Variants in ATXN8OS observed in about 807,000 individuals in gnomAD.
ATXN8OS encodes the protein ATXN8 opposite strand (non-protein coding).
At chr13:70,142,800 C>T (rs528904201) in intron 3 of ATXN8OS, among the ~76,000 whole-genome samples, 2 of 152,140 alleles carry the variant, frequency 1.3e-5, no homozygotes, top group South Asian at 4.1e-4. Context: ...TGCGGCCGGC[C>T]GCAGGGCTCA....
At chr13:70,142,994 A>G (rs1471964056) in intron 3 of ATXN8OS, among the ~76,000 whole-genome samples, 1 of 151,634 alleles carries the variant, frequency 6.6e-6, no homozygotes, top group Non-Finnish European at 1.5e-5. Context: ...AATCCCTTGA[A>G]CCCGGGAGGC....
In ATXN8OS at chr13:70,156,990, T is replaced by C. The variant is rs551788241; in HGVS notation, n.573+9562T>C. ...GTAAATGAAAAAGTCTCAAAACACA[T>C]TTTAAAATTAGGAAATAACATACCG... On this transcript the variant is annotated intron_variant and non_coding_transcript_variant, in intron 4 of 4. Transcript: ENST00000678624. Among the ~76,000 whole-genome samples, 3 of 152,238 alleles carry C rather than the reference T, an allele frequency of 2.0e-5. No homozygotes were observed. The East Asian group carries it at 5.8e-4, about 29-fold the overall frequency.
chr13:70,163,942 A>G (rs1333865835), intron 4 of ATXN8OS, among the ~76,000 whole-genome samples: 1 of 150,320 alleles, frequency 6.7e-6, no homozygotes, highest in Non-Finnish European at 1.5e-5. Flanking sequence ...TTTTTTCCCC[A>G]CTTAGTGGTA....
At chr13:70,116,456 A>C (rs1378484947) in intron 2 of ATXN8OS, among the ~76,000 whole-genome samples, 1 of 152,148 alleles carries the variant, frequency 6.6e-6, no homozygotes, top group Non-Finnish European at 1.5e-5. Context: ...AAGGAATAGA[A>C]AAGCAAGGGC....
chr13:70,156,753 A>G (rs370747375), intron 4 of ATXN8OS, among the ~76,000 whole-genome samples: 42 of 152,254 alleles, frequency 2.8e-4, no homozygotes, highest in African/African-American at 9.9e-4. Flanking sequence ...GAAAAAGGAC[A>G]TACCACACTA....
At chr13:70,116,382 C>A (rs756151714) in intron 2 of ATXN8OS, among the ~76,000 whole-genome samples, 1 of 152,088 alleles carries the variant, frequency 6.6e-6, no homozygotes, top group Non-Finnish European at 1.5e-5. Context: ...GGTGGTATTT[C>A]TCCTGTGTCC....
chr13:70,144,237 T>C (rs956175767), intron 3 of ATXN8OS, among the ~76,000 whole-genome samples: 1 of 152,134 alleles, frequency 6.6e-6, no homozygotes, highest in African/African-American at 2.4e-5. Context: ...TTAAGTACAA[T>C]TTTCTCCATC....
chr13:70,150,384 A>G (rs7328400), intron 4 of ATXN8OS, among the ~76,000 whole-genome samples: 14,914 of 152,092 alleles, frequency 0.098, 783 homozygotes, highest in Middle Eastern at 0.19. Flanking sequence ...GGTAACAACA[A>G]TTGCCTAGGA....
chr13:70,127,473 CAT>C (rs1364194410), intron 2 of ATXN8OS, among the ~76,000 whole-genome samples: 2 of 151,854 alleles, frequency 1.3e-5, no homozygotes, highest in Non-Finnish European at 2.9e-5. Flanking sequence ...AATAAACTAA[CAT>C]AGAGAGGTAT....
intron 2 of ATXN8OS, among the ~76,000 whole-genome samples, chr13:70,117,666 G>T (rs1888298950): frequency 6.6e-6 from 1 of 152,022 alleles, no homozygotes; most frequent in African/African-American, 2.4e-5. Context: ...CTTACAATTT[G>T]TATAACCTTG....
intron 3 of ATXN8OS, among the ~76,000 whole-genome samples, chr13:70,142,454 G>A (rs1378809848): frequency 6.6e-6 from 1 of 152,132 alleles, no homozygotes; most frequent in African/African-American, 2.4e-5. Flanking sequence ...CCTCAGGAAG[G>A]ATGTAGGTTT....
exon 5 of ATXN8OS, among the ~76,000 whole-genome samples, chr13:70,170,706 A>G (rs1430143346): frequency 6.6e-6 from 1 of 152,186 alleles, no homozygotes; most frequent in East Asian, 1.9e-4. Context: ...ATTTATTTAC[A>G]TATAAAATGA....
At chr13:70,112,055 A>G (rs1024726951) in intron 1 of ATXN8OS, among the ~76,000 whole-genome samples, 2 of 152,172 alleles carry the variant, frequency 1.3e-5, no homozygotes, top group Admixed American at 6.5e-5. Flanking sequence ...AGGCCTGAGG[A>G]AACTTATAAT....
chr13:70,116,601 GC>G (rs1566590369), intron 2 of ATXN8OS, among the ~76,000 whole-genome samples: 1 of 152,150 alleles, frequency 6.6e-6, no homozygotes, highest in Non-Finnish European at 1.5e-5. Context: ...GATCTTTTAA[GC>G]CAGTGCACAA....
exon 3 of ATXN8OS, chr13:70,129,826 G>A (rs1462770492): frequency 2.5e-6 from 1 of 398,348 alleles, no homozygotes; most frequent in African/African-American, 2.1e-5. Context: ...CTAGAAGGAT[G>A]TATGTATAGG....
At chr13:70,124,514 A>G (rs2137477973) in intron 2 of ATXN8OS, among the ~76,000 whole-genome samples, 1 of 152,216 alleles carries the variant, frequency 6.6e-6, no homozygotes, top group East Asian at 1.9e-4. Flanking sequence ...GCAGTTACCA[A>G]CAGGCATGAG....
intron 3 of ATXN8OS, among the ~76,000 whole-genome samples, chr13:70,137,557 T>C (rs181608310): frequency 7.2e-5 from 11 of 152,294 alleles, no homozygotes; most frequent in Admixed American, 4.6e-4. Context: ...CAGATTTTGT[T>C]TGTAGTACAC....
chr13:70,140,333 TA>T (rs1888693487), intron 3 of ATXN8OS, among the ~76,000 whole-genome samples: 1 of 152,164 alleles, frequency 6.6e-6, no homozygotes, highest in African/African-American at 2.4e-5. Flanking sequence ...TTGAAGAATT[TA>T]TTTTTATTCA....
intron 4 of ATXN8OS, among the ~76,000 whole-genome samples, chr13:70,164,574 T>C (rs532843036): frequency 6.6e-6 from 1 of 152,160 alleles, no homozygotes; most frequent in Admixed American, 6.6e-5. Context: ...TACCTATCTT[T>C]GTCATCTGAG....
Sources: allele counts gnomAD v4.1 joint callset (sites outside exome capture counted in the v4.1 genomes callset), GRCh38; gene constraint gnomAD v4.1.1; transcripts MANE v1.5; gene names NCBI Gene and HGNC (gene_info 2026-07-23, HGNC 2026-07-21).